HDAC11: variants seen among roughly 807,000 people sequenced by gnomAD.
The protein encoded by HDAC11 is histone deacetylase 11.
HDAC11 carries 23 observed loss-of-function variants against 41.1 expected under a neutral mutation model. The observed-to-expected ratio is 0.56, with a 90% CI of 0.40 to 0.79. The LOEUF is 0.79. Among genes scored for constraint, HDAC11 ranks in the 30% least tolerant of loss-of-function variants. The probability of loss-of-function intolerance (pLI) is 0.00; values close to 1 mark genes in which losing one functional copy is unlikely to be tolerated. For synonymous variants in HDAC11, 187 were observed against 186.6 expected (o/e 1.00, Z -0.02); for missense variants, 402 against 477.3 (o/e 0.84, Z 1.47).
intron 3 of HDAC11, among the ~76,000 whole-genome samples, chr3:13,490,253 A>G (rs1387927383): frequency 6.6e-6 from 1 of 151,934 alleles, no homozygotes; most frequent in Non-Finnish European, 1.5e-5. Flanking sequence ...CTGCCTCCCA[A>G]AGTGCTGGGA....
Position 13,501,855 on chromosome 3 carries a change from C to T in HDAC11, c.490-16C>T. On this transcript the variant is annotated splice_polypyrimidine_tract_variant and intron_variant, in intron 6 of 9. Transcript: ENST00000295757. ...TCCGCCCCAGATCCTCATGTCTACCCTCTCCTCCCTGGCAGTTTCTGTTTG... is the reference window on the plus strand; with the variant it reads ...TCCGCCCCAGATCCTCATGTCTACCTTCTCCTCCCTGGCAGTTTCTGTTTG... The T allele has an allele frequency of 6.2e-7, 1 of 1,613,414 alleles. No homozygotes were observed. The highest frequency in any genetic ancestry group is 8.5e-7 in the Non-Finnish European group (1 of 1,179,436).
In HDAC11 at chr3:13,485,117, G is replaced by A. The variant is rs528395961; in HGVS notation, c.252+1553G>A. On this transcript the variant is annotated intron_variant, in intron 3 of 9. Coordinates refer to ENST00000295757, the MANE Select transcript of HDAC11 (RefSeq NM_024827.4). ...CAAGGTCACCTGGGAAGTTGGCCGG[G>A]CCTTGGGGAGACCCCTGGCAGGTCA... Among the ~76,000 whole-genome samples the A allele has an allele frequency of 6.6e-4, 100 of 152,258 alleles. 1 individual carries two copies. The highest frequency in any genetic ancestry group is 1.2e-3 in the Non-Finnish European group (80 of 68,046).
At chr3:13,483,152 C>G (rs1701401000) in intron 2 of HDAC11, among the ~76,000 whole-genome samples, 1 of 151,998 alleles carries the variant, frequency 6.6e-6, no homozygotes. Flanking sequence ...GGGTCAACAT[C>G]CCTGACCCTT....
In HDAC11 at chr3:13,504,239, G is replaced by A. The variant is rs1320354028; in HGVS notation, c.795G>A (p.Gly265=). Residue 265 remains glycine, a synonymous_variant, in exon 9 of 10, where the codon GGG becomes GGA. Transcript: ENST00000295757. ...VYNAGTDILE[G]DRLGGLSISP... ...ATGCAGGCACCGACATCCTCGAGGG[G>A]GACCGCCTTGGGGGGCTGTCCATCA... 16 of 1,613,476 alleles carry A rather than the reference G, an allele frequency of 9.9e-6. No individual in the cohort carries two copies. The East Asian group carries it at 3.1e-4, about 31-fold the overall frequency.
chr3:13,480,725 T>A lies in HDAC11; in HGVS notation c.2+376T>A, dbSNP rs1399969697. The A allele has an allele frequency of 2.1e-6, 1 of 485,690 alleles. No homozygotes were observed. Among genetic ancestry groups the A allele is most frequent in the Non-Finnish European group, 4.2e-6 (1 of 238,526 alleles). 30.1% of individuals were successfully genotyped at this position (485,690 alleles called of 1,614,324 possible). ...GACTGCCAGGGTGTGATGGGAAGGG[T>A]TAGCAGCGCAGCGGGGTCAGGGGAT... On this transcript the variant is annotated intron_variant, in intron 1 of 9. Coordinates refer to ENST00000295757, the MANE Select transcript of HDAC11 (RefSeq NM_024827.4). This position sits in a 1 kb window ranked among gnomAD's most constrained non-coding sequence, Gnocchi z 4.6.
intron 3 of HDAC11, among the ~76,000 whole-genome samples, chr3:13,484,197 C>G (rs1701454013): frequency 1.3e-5 from 2 of 152,210 alleles, no homozygotes; most frequent in Admixed American, 1.3e-4. Context: ...CTCCTGAACT[C>G]AGGTCATCTG....
intron 2 of HDAC11, among the ~76,000 whole-genome samples, chr3:13,482,829 A>G (rs958447749): frequency 2.0e-5 from 3 of 151,966 alleles, no homozygotes; most frequent in Non-Finnish European, 2.9e-5. Flanking sequence ...ACAGGGTCTC[A>G]CTCCCATCAC....
chr3:13,501,790 C>T (rs151216951), intron 6 of HDAC11, 81 bp from the exon 7 acceptor site: 54 of 1,338,914 alleles, frequency 4.0e-5, no homozygotes, highest in African/African-American at 7.2e-5. Flanking sequence ...CCCCGCCCCT[C>T]GCCAGCCAGC....
At chr3:13,503,252 G>C (rs138386456) in intron 8 of HDAC11, 342 of 297,750 alleles carry the variant, frequency 1.1e-3, no homozygotes, top group African/African-American at 7.0e-3. Context: ...GGATAAATTT[G>C]AAAATACGAA....
chr3:13,499,300 G>C (rs536620621), intron 5 of HDAC11, among the ~76,000 whole-genome samples: 220 of 152,314 alleles, frequency 1.4e-3, no homozygotes, highest in Non-Finnish European at 2.6e-3. Flanking sequence ...CTCCTGAGTA[G>C]CTGAGATTAC....
rs1702427663 is a variant in HDAC11, at chr3:13,502,669, A to G, written c.553-215A>G. The G allele has an allele frequency of 2.0e-6, 1 of 512,314 alleles. No individual in the cohort carries two copies. The highest frequency in any genetic ancestry group is 3.5e-6 in the Non-Finnish European group (1 of 282,830). 31.7% of individuals were successfully genotyped at this position (512,314 alleles called of 1,614,324 possible). A position where few individuals can be genotyped will look rare whatever the true frequency, so the allele number is the denominator to read the frequency against. ...TTCCTCTGATAGGGAACCTAAGAGC[A>G]CTGGGCTTGCTCAAGCCCATGCTAG... On this transcript the variant is annotated intron_variant, in intron 7 of 9. Transcript: ENST00000295757. The surrounding 1 kb of genome is among the most constrained non-coding windows in gnomAD (Gnocchi z 4.1).
At chr3:13,491,728 A>C (rs530359743) in intron 3 of HDAC11, among the ~76,000 whole-genome samples, 7 of 152,356 alleles carry the variant, frequency 4.6e-5, no homozygotes, top group Non-Finnish European at 1.0e-4. Flanking sequence ...ACAGAGGCTG[A>C]CGAGGTATGG....
At chr3:13,504,315 G>A (rs761724213) in intron 9 of HDAC11, 43 bp downstream of exon 9, 18 of 1,604,858 alleles carry the variant, frequency 1.1e-5, no homozygotes, top group Admixed American at 8.4e-5. Context: ...CTGCTCTATG[G>A]ACTCAGCAGC....
intron 6 of HDAC11, among the ~76,000 whole-genome samples, chr3:13,501,227 G>A (rs1702351496): frequency 6.6e-6 from 1 of 152,236 alleles, no homozygotes; most frequent in African/African-American, 2.4e-5. Context: ...GGGGCCCACA[G>A]AGGTGAGGGC....
At chr3:13,496,949 A>G (rs1559378063) in intron 4 of HDAC11, 97 bp downstream of exon 4, 18 of 568,296 alleles carry the variant, frequency 3.2e-5, no homozygotes, top group Non-Finnish European at 4.3e-5. Context: ...CCCACTTAGT[A>G]GTTGAACAGA....
At position 13,484,385 on chromosome 3, in the gene HDAC11, A is replaced by G. The variant is rs140568890; in HGVS notation, c.252+821A>G. Among the ~76,000 whole-genome samples the G allele has an allele frequency of 7.5e-4, 115 of 152,346 alleles. 1 individual carries two copies. Among genetic ancestry groups the G allele is most frequent in the African/African-American group, 2.6e-3 (107 of 41,572 alleles). On this transcript the variant is annotated intron_variant, in intron 3 of 9. Transcript: ENST00000295757. ...TCAGGGCTCAGCAGAGAAGAGAAAC[A>G]AGTGGGAGGGCCGGTGGTAGAGTCT...
intron 2 of HDAC11, among the ~76,000 whole-genome samples, chr3:13,481,981 T>C (rs1228185685): frequency 1.3e-5 from 2 of 152,176 alleles, no homozygotes; most frequent in African/African-American, 4.8e-5. Flanking sequence ...GATTTCTTAA[T>C]ATGGCACTCA....
Position 13,500,716 on chromosome 3 carries a change from G to C in HDAC11, c.416G>C (p.Gly139Ala), listed in dbSNP as rs749167601. 6 of 1,592,290 alleles carry C rather than the reference G, an allele frequency of 3.8e-6. No individual in the cohort carries two copies. Among genetic ancestry groups the C allele is most frequent in the South Asian group, 1.1e-5 (1 of 87,828 alleles). The change falls in exon 6 of 10, where the codon GGT becomes GCT. Residue 139 changes from glycine (G) to alanine (A), a missense_variant. By Grantham distance (60) the Gly-to-Ala change is moderately conservative. Transcript: ENST00000295757. ...VERGWAINVG[G>A]GFHHCSSDRG... ...ACCGCTCTCTGCCCTTCCGCAGGGG[G>C]TGGCTTCCACCACTGCTCCAGCGAC...
At chr3:13,497,031 A>G (rs1702132091) in intron 4 of HDAC11, among the ~76,000 whole-genome samples, 179 bp downstream of exon 4, 1 of 152,184 alleles carries the variant, frequency 6.6e-6, no homozygotes, top group Non-Finnish European at 1.5e-5. Flanking sequence ...ATCTTGGGAC[A>G]TCAGAATTCT....
Sources: gnomAD v4.1 joint callset for allele counts (sites outside exome capture counted in the v4.1 genomes callset) on GRCh38, gnomAD v4.1.1 for gene constraint, Gnocchi (gnomAD v3.1) non-coding constraint, MANE v1.5 for transcripts, NCBI Gene and HGNC (gene_info 2026-07-23, HGNC 2026-07-21) for gene names.